The following RBFOX1 variants were observed in gnomAD, a reference collection of about 807,000 sequenced individuals.
The protein encoded by RBFOX1 is RNA binding fox-1 homolog 1, also known as RNA binding protein fox-1 homolog 1.
A neutral mutation model predicts 57.7 loss-of-function variants in RBFOX1; 8 were observed. The ratio of observed to expected loss-of-function variants is 0.14; its 90% CI spans 0.08 to 0.25. The LOEUF is 0.25. Among genes scored for constraint, RBFOX1 ranks in the 10% least tolerant of loss-of-function variants. The pLI, the probability that RBFOX1 is intolerant of heterozygous loss-of-function variation, is 1.00. For missense variants in RBFOX1, 611 were observed against 548.5 expected, an observed-to-expected ratio of 1.11 and a Z score of -1.14; for synonymous variants, 326 against 222.4, an observed-to-expected ratio of 1.47 and a Z score of -4.15.
intron 4 of RBFOX1, among the ~76,000 whole-genome samples, chr16:7,063,756 T>C (rs564596600): frequency 3.3e-5 from 5 of 152,342 alleles, no homozygotes; most frequent in African/African-American, 7.2e-5. Flanking sequence ...TGCAGACTTT[T>C]TGTCATCATT....
At chr16:6,413,728 G>A (rs1223716979) in intron 2 of RBFOX1, among the ~76,000 whole-genome samples, 2 of 152,184 alleles carry the variant, frequency 1.3e-5, no homozygotes, top group African/African-American at 4.8e-5. Flanking sequence ...AAGACCACAT[G>A]AAGGTTTATC....
chr16:5,875,236 T>C lies in RBFOX1; in HGVS notation c.351+7901T>C, dbSNP rs150122606. Among the ~76,000 whole-genome samples the C allele has an allele frequency of 9.5e-3, 1,440 of 152,284 alleles. 11 individuals carry two copies. The highest frequency in any genetic ancestry group is 0.031 in the Middle Eastern group (9 of 294). On this transcript the variant is annotated intron_variant, in intron 4 of 19. Transcript: ENST00000641259. ...TGAAATAACTGTGAATGCCTCCATGTTACAGACAAAAAAACTGAGATGTGG... is the reference window on the plus strand; with the variant it reads ...TGAAATAACTGTGAATGCCTCCATGCTACAGACAAAAAAACTGAGATGTGG...
intron 3 of RBFOX1, among the ~76,000 whole-genome samples, chr16:5,727,420 G>A (rs1026884415): frequency 1.3e-5 from 2 of 152,134 alleles, no homozygotes; most frequent in African/African-American, 2.4e-5. Context: ...TCTGATGTAC[G>A]TATATACTGT....
At chr16:6,890,976 C>G (rs571988264) in intron 3 of RBFOX1, among the ~76,000 whole-genome samples, 1 of 152,158 alleles carries the variant, frequency 6.6e-6, no homozygotes, top group Non-Finnish European at 1.5e-5. Flanking sequence ...TGTGGAGTCA[C>G]CTGGTTCTTT....
intron 3 of RBFOX1, among the ~76,000 whole-genome samples, chr16:6,798,459 A>C (rs1452807352): frequency 2.0e-5 from 3 of 152,180 alleles, no homozygotes; most frequent in African/African-American, 7.2e-5. Context: ...ATGTTGTTTA[A>C]TTCAGAATGG....
chr16:6,613,807 G>A (rs906699329), intron 2 of RBFOX1, among the ~76,000 whole-genome samples: 1 of 152,168 alleles, frequency 6.6e-6, no homozygotes, highest in Admixed American at 6.5e-5. Flanking sequence ...GTGTGGTGGT[G>A]TGTGCCTGTA....
In RBFOX1 at chr16:7,711,024, A is replaced by C; in HGVS notation, c.*279A>C. The stretch of plus-strand genomic sequence containing the variant: ...TAGACAGATGCTAGATAATGAATAA[A>C]AACTGGTTTAGGGCCATATCCAGAG... On this transcript the variant is annotated 3_prime_UTR_variant, in exon 16 of 16. Coordinates refer to ENST00000550418, the MANE Select transcript of RBFOX1 (RefSeq NM_018723.4). The C allele has an allele frequency of 3.3e-6, 1 of 306,904 alleles. No individual in the cohort carries two copies. Among genetic ancestry groups the C allele is most frequent in the Non-Finnish European group, 5.8e-6 (1 of 171,618 alleles). The allele number at this position is 306,904 out of a possible 1,614,324, so 19.0% of individuals were successfully genotyped here.
intron 2 of RBFOX1, among the ~76,000 whole-genome samples, chr16:6,409,290 G>A (rs576965168): frequency 6.6e-6 from 1 of 152,086 alleles, no homozygotes; most frequent in East Asian, 1.9e-4. Context: ...GGTGCGCACC[G>A]GTAATCCCAG....
intron 2 of RBFOX1, among the ~76,000 whole-genome samples, chr16:6,416,354 T>G (rs939406433): frequency 1.3e-5 from 2 of 152,180 alleles, no homozygotes; most frequent in African/African-American, 4.8e-5. Context: ...AAATATCTAT[T>G]CTTAAACTGG....
chr16:7,542,561 A>G (rs8053432), intron 5 of RBFOX1, among the ~76,000 whole-genome samples: 116,512 of 151,826 alleles, frequency 0.77, 45,441 homozygotes, highest in Non-Finnish European at 0.84. Flanking sequence ...GGAGATAGAA[A>G]TAGAGGGATG....
At chr16:7,234,640 G>A (rs1055170492) in intron 4 of RBFOX1, among the ~76,000 whole-genome samples, 2 of 147,468 alleles carry the variant, frequency 1.4e-5, no homozygotes, top group Non-Finnish European at 3.0e-5. Flanking sequence ...TTGTGTATAT[G>A]TGTGTGTTTG....
intron 1 of RBFOX1, among the ~76,000 whole-genome samples, chr16:5,347,599 C>T (rs2065168673): frequency 6.6e-6 from 1 of 151,284 alleles, no homozygotes; most frequent in South Asian, 2.1e-4. Flanking sequence ...CACCCATCCA[C>T]CCACCCATGC....
At chr16:6,816,115 C>G (rs1603628255) in intron 3 of RBFOX1, among the ~76,000 whole-genome samples, 1 of 152,044 alleles carries the variant, frequency 6.6e-6, no homozygotes, top group Non-Finnish European at 1.5e-5. Context: ...CGAGACCAGC[C>G]TGTGCAACAT....
chr16:6,925,800 A>C (rs2075468547), intron 3 of RBFOX1, among the ~76,000 whole-genome samples: 1 of 152,088 alleles, frequency 6.6e-6, no homozygotes, highest in Non-Finnish European at 1.5e-5. Context: ...AATAGGAATA[A>C]AATAAGCCTG....
intron 3 of RBFOX1, among the ~76,000 whole-genome samples, chr16:6,978,435 T>A (rs2087718415): frequency 6.6e-6 from 1 of 152,220 alleles, no homozygotes; most frequent in African/African-American, 2.4e-5. Context: ...GGAAGAATAG[T>A]TATAAGCCCT....
chr16:7,180,219 G>C (rs912847689), intron 4 of RBFOX1, among the ~76,000 whole-genome samples: 2 of 152,112 alleles, frequency 1.3e-5, no homozygotes, highest in Admixed American at 1.3e-4. Context: ...AGCATTTACT[G>C]TATTTCAGAT....
At chr16:5,256,015 G>T (rs2062583074) in intron 1 of RBFOX1, among the ~76,000 whole-genome samples, 1 of 151,926 alleles carries the variant, frequency 6.6e-6, no homozygotes, top group African/African-American at 2.4e-5. Flanking sequence ...TAGAGATTAG[G>T]TTTTACTATT....
chr16:7,669,550 G>A (rs971789639), intron 13 of RBFOX1, among the ~76,000 whole-genome samples: 1 of 152,178 alleles, frequency 6.6e-6, no homozygotes, highest in Non-Finnish European at 1.5e-5. Flanking sequence ...ACGCAACCAT[G>A]AGGGCCGCCT....
intron 2 of RBFOX1, among the ~76,000 whole-genome samples, chr16:5,546,876 T>A (rs541766338): frequency 6.6e-6 from 1 of 152,198 alleles, no homozygotes; most frequent in African/African-American, 2.4e-5. Context: ...AGGACTTATG[T>A]GTAGAATGGG....
Sources: gnomAD v4.1 joint callset for allele counts (sites outside exome capture counted in the v4.1 genomes callset) on GRCh38, gnomAD v4.1.1 for gene constraint, MANE v1.5 for transcripts, NCBI Gene and HGNC (gene_info 2026-07-23, HGNC 2026-07-21) for gene names.